HEATR4: variants seen among roughly 807,000 people sequenced by gnomAD.
HEATR4 encodes the protein HEAT repeat-containing protein 4.
HEATR4 carries 95 observed loss-of-function variants against 108.8 expected under a neutral mutation model. The ratio of observed to expected loss-of-function variants is 0.87; its 90% CI spans 0.74 to 1.04. HEATR4 has a LOEUF of 1.04. Ranked by LOEUF, HEATR4 falls within the 50% of genes least tolerant of loss-of-function variation. HEATR4 has a pLI of 0.00. For missense variants in HEATR4, 1,152 were observed against 1,253.8 expected (o/e 0.92, Z 1.23); for synonymous variants, 443 against 459.4 (o/e 0.96, Z 0.46).
At chr14:73,624,899 T>C in the HEATR4 span, among the ~76,000 whole-genome samples, 1 of 152,224 alleles carries the variant, frequency 6.6e-6, no homozygotes, top group African/African-American at 2.4e-5. Context: ...CTTTGTTTTA[T>C]TGGGCTTTGC....
At chr14:73,593,336 C>CTTTTTTTTTTTTTT in the HEATR4 span, among the ~76,000 whole-genome samples, 42 of 104,870 alleles carry the variant, frequency 4.0e-4, no homozygotes, top group East Asian at 1.1e-3. Context: ...TTCTTTCTTT[C>CTTTTTTTTTTTTTT]TTTTTTTTTT....
At chr14:73,581,511 G>GTAT in the HEATR4 span, 3 of 151,860 alleles carry the variant, frequency 2.0e-5, no homozygotes, top group Admixed American at 1.3e-4. Flanking sequence ...CAATACAATG[G>GTAT]GTATAACAAC....
chr14:73,490,912 T>C (rs1209492901), intron 17 of HEATR4: 1 of 1,219,136 alleles, frequency 8.2e-7, no homozygotes, highest in Non-Finnish European at 1.0e-6. Context: ...CCGAGGTGGC[T>C]GGAGGCCGCG....
chr14:73,542,740 T>A lies in HEATR4; in HGVS notation c.-151-12496A>T, dbSNP rs1261334007. 1.8e-5 allele frequency among the ~76,000 whole-genome samples: 2 copies of A among 111,646 alleles called. 1 individual carries two copies. Among genetic ancestry groups the A allele is most frequent in the Non-Finnish European group, 3.8e-5 (2 of 52,182 alleles). 73.2% of individuals were successfully genotyped at this position (111,646 alleles called of 152,430 possible). On this transcript the variant is annotated intron_variant, in intron 1 of 17. Transcript: ENST00000553558. ...CGTACTTGTTGATGACGACTCAGTT[T>A]AGTTATGACAGTGGGAATGGGTGGC... is the stretch of plus-strand genomic sequence containing the variant.
chr14:73,519,483 C>T (rs564803832), intron 4 of HEATR4, among the ~76,000 whole-genome samples: 3 of 152,182 alleles, frequency 2.0e-5, no homozygotes, highest in Non-Finnish European at 2.9e-5. Flanking sequence ...TGGTGGCTCA[C>T]ACCTGTAATC....
At chr14:73,535,653 T>C (rs1307848959) in intron 1 of HEATR4, among the ~76,000 whole-genome samples, 1 of 110,754 alleles carries the variant, frequency 9.0e-6, no homozygotes, top group African/African-American at 2.9e-5. Context: ...TATTTTTGGT[T>C]TTTTTTTAGT....
At chr14:73,611,896 C>T in the HEATR4 span, among the ~76,000 whole-genome samples, 15 of 152,056 alleles carry the variant, frequency 9.9e-5, no homozygotes, top group Non-Finnish European at 1.9e-4. Context: ...CATGTTTCTC[C>T]AAGGGGTCAC....
At chr14:73,487,117 A>G (rs534235669) in intron 17 of HEATR4, among the ~76,000 whole-genome samples, 2 of 148,054 alleles carry the variant, frequency 1.4e-5, no homozygotes, top group African/African-American at 2.5e-5. Context: ...AATAATAATA[A>G]TAATAATTAA....
the HEATR4 span, chr14:73,595,289 G>C: frequency 2.5e-6 from 4 of 1,614,188 alleles, no homozygotes; most frequent in South Asian, 4.4e-5. Flanking sequence ...TGCTCTCGTA[G>C]GAGGGTACAA....
rs1415180220 is a variant in HEATR4 at position 73,492,206 on chromosome 14, C to T, written c.2844+860G>A. ...GACCGTGCTGGAACCTGGAGATTTG[C>T]TGTATTTTCCTCGGGGCTTCATTCA... is the stretch of plus-strand genomic sequence containing the variant. On this transcript the variant is annotated intron_variant, in intron 17 of 17. Transcript: ENST00000553558. The surrounding 1 kb of genome is among the most constrained non-coding windows in gnomAD (Gnocchi z 4.9). 4 of 1,613,876 alleles carry T rather than the reference C, an allele frequency of 2.5e-6. No homozygotes were observed.
chr14:73,534,905 C>A lies in HEATR4; in HGVS notation c.-151-4661G>T, dbSNP rs140008880. 1.2e-3 allele frequency among the ~76,000 whole-genome samples: 129 copies of A among 110,320 alleles called. 31 individuals are homozygous for A. The highest frequency in any genetic ancestry group is 5.7e-3 in the East Asian group (8 of 1,394). 72.4% of individuals were successfully genotyped at this position (110,320 alleles called of 152,430 possible). The stretch of plus-strand genomic sequence containing the variant: ...AGCAATCTCCTGCCTAGGCCTCCCC[C>A]CTAACAGCTGGAACTACAGGCATCT... On this transcript the variant is annotated intron_variant, in intron 1 of 17. Transcript: ENST00000553558.
the HEATR4 span, among the ~76,000 whole-genome samples, chr14:73,620,391 G>C: frequency 2.0e-5 from 3 of 152,310 alleles, no homozygotes; most frequent in Admixed American, 6.5e-5. Flanking sequence ...TTAAGCAAGA[G>C]AAATGTAAGA....
At position 73,531,822 on chromosome 14, in the gene HEATR4, C is replaced by G. The variant is rs1245942044; in HGVS notation, c.-151-1578G>C. On this transcript the variant is annotated intron_variant, in intron 1 of 17. Transcript: ENST00000553558. ...ATCACCTGAGGTCAGGAGTTCGAGA[C>G]CAGCCTGACCAACATGGTGAAACCC... Among the ~76,000 whole-genome samples, 15 of 111,366 alleles carry G rather than the reference C, an allele frequency of 1.3e-4. 5 individuals carry two copies. Among genetic ancestry groups the G allele is most frequent in the African/African-American group, 4.4e-4 (15 of 34,472 alleles). The allele number at this position is 111,366 out of a possible 152,430, so 73.1% of individuals were successfully genotyped here.
chr14:73,528,392 CAA>C (rs371875141), intron 2 of HEATR4, among the ~76,000 whole-genome samples: 1,269 of 88,442 alleles, frequency 0.014, 15 homozygotes, highest in African/African-American at 0.059. Flanking sequence ...AACTTCATCT[CAA>C]AAAAAAAAAA....
intron 5 of HEATR4, 52 bp downstream of exon 5, chr14:73,518,971 T>C: frequency 2.6e-6 from 4 of 1,550,020 alleles, no homozygotes; most frequent in Non-Finnish European, 3.5e-6. Flanking sequence ...TGATGGGAAG[T>C]AGCCACATTC....
chr14:73,521,101 A>C, intron 3 of HEATR4, 62 bp from the exon 4 acceptor site: 1 of 1,418,622 alleles, frequency 7.0e-7, no homozygotes. Context: ...CCCCCTTTCC[A>C]TTAAATCCAC....
At chr14:73,511,520 A>AAAAT (rs548747393) in intron 7 of HEATR4, among the ~76,000 whole-genome samples, 3,543 of 141,704 alleles carry the variant, frequency 0.025, 70 homozygotes, top group East Asian at 0.063. Context: ...CTCTGTCTCA[A>AAAAT]AAATAAATAA....
chr14:73,565,173 T>C, the HEATR4 span, among the ~76,000 whole-genome samples: 2 of 152,112 alleles, frequency 1.3e-5, no homozygotes, highest in East Asian at 3.8e-4. Flanking sequence ...AAGAAATTCC[T>C]AGACGTGGAG....
the HEATR4 span, chr14:73,619,741 G>T: frequency 2.5e-6 from 4 of 1,614,018 alleles, no homozygotes; most frequent in South Asian, 1.1e-5. Context: ...TGAGCCAAAG[G>T]CTCACTCAAA....
Sources: allele counts gnomAD v4.1 joint callset (sites outside exome capture counted in the v4.1 genomes callset), GRCh38; gene constraint gnomAD v4.1.1; non-coding constraint Gnocchi (gnomAD v3.1); transcripts MANE v1.5; gene names NCBI Gene and HGNC (gene_info 2026-07-23, HGNC 2026-07-21).